The following IL19 variants were observed in gnomAD, a reference collection of about 807,000 sequenced individuals.
The protein encoded by IL19 is interleukin 19, also known as interleukin-19.
Under a neutral mutation model 19.5 loss-of-function variants are expected in IL19, and 15 were observed. The ratio of observed to expected loss-of-function variants is 0.77; its 90% confidence interval spans 0.52 to 1.19. The LOEUF (loss-of-function observed/expected upper bound fraction) is 1.19, where lower values mean the gene tolerates loss of function less well. Among genes scored for constraint, IL19 ranks in the 50% most tolerant of loss-of-function variants. The pLI is 0.00. For missense variants in IL19, 199 were observed against 213.1 expected (o/e 0.93, Z 0.41); for synonymous variants, 78 against 78.3 (o/e 1.00, Z 0.02).
At chr1:206,830,126 A>C (rs1017166692) in intron 2 of IL19, among the ~76,000 whole-genome samples, 1 of 152,212 alleles carries the variant, frequency 6.6e-6, no homozygotes, top group Admixed American at 6.5e-5. Flanking sequence ...AAAGGGCAGC[A>C]TGGGGTTAGA....
At chr1:206,773,846 G>T (rs973080885) in intron 1 of IL19, among the ~76,000 whole-genome samples, 2 of 152,110 alleles carry the variant, frequency 1.3e-5, no homozygotes, top group African/African-American at 4.8e-5. Flanking sequence ...GGAGGCCTGG[G>T]CTCTGCCTTG....
chr1:206,798,159 G>A (rs1434827461), intron 1 of IL19, among the ~76,000 whole-genome samples: 1 of 152,068 alleles, frequency 6.6e-6, no homozygotes, highest in Non-Finnish European at 1.5e-5. Flanking sequence ...TTTTTGAGAT[G>A]GGGTCTCACT....
intron 2 of IL19, among the ~76,000 whole-genome samples, chr1:206,824,055 G>T (rs1676366366): frequency 6.6e-6 from 1 of 152,210 alleles, no homozygotes; most frequent in South Asian, 2.1e-4. Flanking sequence ...GTTTTGAGGG[G>T]CAAAACTGCT....
chr1:206,820,219 A>G (rs952871312), intron 2 of IL19, among the ~76,000 whole-genome samples: 1 of 152,312 alleles, frequency 6.6e-6, no homozygotes, highest in African/African-American at 2.4e-5. Flanking sequence ...TGAGTGATCG[A>G]TAAAAATCAT....
chr1:206,840,524 T>A (rs1439555859), intron 5 of IL19: 1 of 218,394 alleles, frequency 4.6e-6, no homozygotes, highest in Non-Finnish European at 9.2e-6. Flanking sequence ...TGAGACTTTG[T>A]GGCAAGTGAC....
intron 1 of IL19, among the ~76,000 whole-genome samples, chr1:206,775,387 G>T (rs1211474866): frequency 6.6e-6 from 1 of 152,064 alleles, no homozygotes; most frequent in African/African-American, 2.4e-5. Flanking sequence ...GAAATGTGTA[G>T]CTAATTATCT....
At chr1:206,841,800 T>C (rs1180854444) in intron 6 of IL19, among the ~76,000 whole-genome samples, 1 of 152,192 alleles carries the variant, frequency 6.6e-6, no homozygotes, top group Admixed American at 6.5e-5. Context: ...ACACAACAAG[T>C]ATTAACACAC....
intron 2 of IL19, among the ~76,000 whole-genome samples, chr1:206,799,486 A>G (rs778340966): frequency 3.3e-5 from 5 of 152,200 alleles, no homozygotes; most frequent in Non-Finnish European, 7.3e-5. Context: ...TCAGAAAGCC[A>G]GAACTCAGCT....
At chr1:206,816,851 T>C (rs138969560) in intron 2 of IL19, among the ~76,000 whole-genome samples, 2,583 of 152,274 alleles carry the variant, frequency 0.017, 30 homozygotes, top group Middle Eastern at 0.034. Flanking sequence ...GAGAAAGATA[T>C]ACTATGCTAA....
intron 2 of IL19, chr1:206,834,539 G>GAAAGCTGCTCAGCCATCAGTCCTTTTAAA: frequency 1.5e-6 from 1 of 648,842 alleles, no homozygotes; most frequent in Non-Finnish European, 1.9e-6. Flanking sequence ...GGTAGAATGG[G>GAAAGCTGCTCAGCCATCAGTCCTTTTAAA]AAGGGGTACT....
chr1:206,781,243 A>G (rs566439028), intron 1 of IL19, among the ~76,000 whole-genome samples: 1 of 151,926 alleles, frequency 6.6e-6, no homozygotes, highest in East Asian at 1.9e-4. Context: ...CAGTAGTTCA[A>G]GACCAGCCTG....
At chr1:206,790,734 C>T (rs907114531) in intron 1 of IL19, among the ~76,000 whole-genome samples, 2 of 152,178 alleles carry the variant, frequency 1.3e-5, no homozygotes, top group Non-Finnish European at 2.9e-5. Flanking sequence ...TCCCCTTCCC[C>T]CATTGCCCCC....
In IL19 at chr1:206,779,881, G is replaced by T. The variant is rs1675092306; in HGVS notation, c.-149+8803G>T. On this transcript the variant is annotated intron_variant, in intron 1 of 6. Transcript: ENST00000659997. ...CTTTTTTTTTTTTTAAAGAGACAGG[G>T]TCTTGCTATGTTGCCCAGGCTGTTT... is the stretch of plus-strand genomic sequence containing the variant. 3.3e-5 allele frequency among the ~76,000 whole-genome samples: 5 copies of T among 149,758 alleles called. No homozygotes were observed. In the South Asian group the frequency reaches 1.1e-3, roughly 32 times the overall value.
intron 1 of IL19, among the ~76,000 whole-genome samples, chr1:206,789,801 C>T (rs954765796): frequency 6.6e-6 from 1 of 152,162 alleles, no homozygotes; most frequent in Non-Finnish European, 1.5e-5. Flanking sequence ...TCAATGAGCT[C>T]CGACTTACAA....
Position 206,812,987 on chromosome 1 carries a change from A to G in IL19, c.-3+13981A>G, listed in dbSNP as rs183520209. ...AGACTTTATAATCCTGAATTTGGGG[A>G]GAAGGTGATGCTCGCCTGTTTTATA... On this transcript the variant is annotated intron_variant, in intron 2 of 6. Coordinates refer to ENST00000659997, the MANE Select transcript of IL19 (RefSeq NM_153758.5). 4.1e-3 allele frequency among the ~76,000 whole-genome samples: 631 copies of G among 152,322 alleles called. 5 individuals carry two copies. The highest frequency in any genetic ancestry group is 0.017 in the Middle Eastern group (5 of 294).
chr1:206,821,247 A>G (rs1341689565), intron 2 of IL19, among the ~76,000 whole-genome samples: 2 of 152,204 alleles, frequency 1.3e-5, no homozygotes, highest in Non-Finnish European at 2.9e-5. Context: ...TTAAAATGAT[A>G]CTATCGAAAT....
intron 1 of IL19, among the ~76,000 whole-genome samples, chr1:206,789,565 T>C (rs1290963373): frequency 6.6e-6 from 1 of 152,190 alleles, no homozygotes; most frequent in Non-Finnish European, 1.5e-5. Flanking sequence ...ATATGCCATA[T>C]TTTCTTTTTT....
Position 206,770,983 on chromosome 1 carries a change from T to C in IL19, c.-244T>C, listed in dbSNP as rs758058722. The C allele has an allele frequency of 1.9e-6, 3 of 1,614,052 alleles. No homozygotes were observed. In the East Asian group the frequency reaches 6.7e-5, roughly 36 times the overall value. On this transcript the variant is annotated 5_prime_UTR_variant, in exon 1 of 7. Transcript: ENST00000659997. ...CACATGCGCCTTGATGTCTGGGTCT[T>C]GGTTCTCAGCTTGGGGCATCACCTC...
intron 1 of IL19, among the ~76,000 whole-genome samples, chr1:206,776,808 G>A (rs1326081533): frequency 2.0e-5 from 3 of 150,648 alleles, no homozygotes; most frequent in Admixed American, 6.6e-5. Flanking sequence ...GACAATGATC[G>A]GGACATAAAC....
Sources: allele counts gnomAD v4.1 joint callset (sites outside exome capture counted in the v4.1 genomes callset), GRCh38; gene constraint gnomAD v4.1.1; transcripts MANE v1.5; gene names NCBI Gene and HGNC (gene_info 2026-07-23, HGNC 2026-07-21).